The following ASIC2 variants were observed in gnomAD, a reference collection of about 807,000 sequenced individuals.
ASIC2 encodes the protein acid sensing ion channel subunit 2, also known as acid-sensing ion channel 2.
In ASIC2, 25 loss-of-function variants were observed where a neutral mutation model predicts 57.3. The ratio of observed to expected loss-of-function variants is 0.44; its 90% CI spans 0.32 to 0.61. The LOEUF is 0.61. Ranked by LOEUF, ASIC2 falls within the 20% of genes least tolerant of loss-of-function variation. The pLI is 0.06. For missense variants in ASIC2, 641 were observed against 738.1 expected (o/e 0.87, Z 1.52); for synonymous variants, 319 against 307.5 (o/e 1.04, Z -0.39).
chr17:33,997,188 C>T (rs1052153877), intron 1 of ASIC2, among the ~76,000 whole-genome samples: 1 of 151,840 alleles, frequency 6.6e-6, no homozygotes, highest in African/African-American at 2.4e-5. Context: ...GTCACCTAGG[C>T]TGGAGTGAAG....
At chr17:33,913,225 C>T (rs1379031532) in intron 1 of ASIC2, among the ~76,000 whole-genome samples, 2 of 151,974 alleles carry the variant, frequency 1.3e-5, no homozygotes, top group African/African-American at 2.4e-5. Flanking sequence ...GAGCTTAGCA[C>T]AGCACTTGAT....
chr17:33,677,747 A>T (rs2142055470), intron 1 of ASIC2, among the ~76,000 whole-genome samples: 1 of 152,328 alleles, frequency 6.6e-6, no homozygotes, highest in Admixed American at 6.5e-5. Context: ...AAAAACTGGA[A>T]CAGATGAAGT....
At chr17:33,070,731 A>T (rs1452818557) in intron 3 of ASIC2, among the ~76,000 whole-genome samples, 1 of 152,032 alleles carries the variant, frequency 6.6e-6, no homozygotes, top group Non-Finnish European at 1.5e-5. Context: ...TCTGATGTCA[A>T]TTTCCTTTTC....
intron 1 of ASIC2, among the ~76,000 whole-genome samples, chr17:33,321,755 T>C (rs950084921): frequency 6.6e-6 from 1 of 152,222 alleles, no homozygotes; most frequent in African/African-American, 2.4e-5. Flanking sequence ...GGATCAAAGA[T>C]ACATACTAAA....
chr17:33,802,318 C>A (rs952706310), intron 1 of ASIC2, among the ~76,000 whole-genome samples: 2 of 152,198 alleles, frequency 1.3e-5, no homozygotes, highest in Non-Finnish European at 2.9e-5. Context: ...GTGAGCTGTA[C>A]CACCTAAGTT....
chr17:33,219,580 T>C (rs1212041795), intron 1 of ASIC2, among the ~76,000 whole-genome samples: 1 of 152,130 alleles, frequency 6.6e-6, no homozygotes, highest in Non-Finnish European at 1.5e-5. Flanking sequence ...TGAACCTGAG[T>C]TCTTCTGCCT....
chr17:33,033,654 AT>A (rs1245084532), intron 3 of ASIC2, among the ~76,000 whole-genome samples: 39 of 152,314 alleles, frequency 2.6e-4, no homozygotes, highest in African/African-American at 9.4e-4. Context: ...GGTTGGGGCC[AT>A]GAATGACAGC....
intron 1 of ASIC2, among the ~76,000 whole-genome samples, chr17:33,290,521 T>C (rs138659081): frequency 1.2e-3 from 178 of 152,348 alleles, no homozygotes; most frequent in Middle Eastern, 6.8e-3. Context: ...AACAGCTGCG[T>C]TATCCAGACC....
chr17:33,460,135 C>T (rs534452650), intron 1 of ASIC2, among the ~76,000 whole-genome samples: 1 of 152,180 alleles, frequency 6.6e-6, no homozygotes, highest in Non-Finnish European at 1.5e-5. Flanking sequence ...ATCCTGACCT[C>T]GGTGTCCAGA....
intron 1 of ASIC2, among the ~76,000 whole-genome samples, chr17:33,177,486 A>T (rs1567774173): frequency 6.6e-6 from 1 of 152,192 alleles, no homozygotes; most frequent in South Asian, 2.1e-4. Context: ...CACAAGTCAC[A>T]ATTGGTGGAC....
intron 1 of ASIC2, among the ~76,000 whole-genome samples, chr17:33,733,577 G>A (rs951583262): frequency 6.6e-6 from 1 of 152,146 alleles, no homozygotes. Context: ...ATATTCTAAA[G>A]TCCCCAGAAC....
At position 33,856,839 on chromosome 17, in the gene ASIC2, G is replaced by C. The variant is rs905445676; in HGVS notation, c.555+299139C>G. Among the ~76,000 whole-genome samples, 20 of 152,146 alleles carry C rather than the reference G, an allele frequency of 1.3e-4. 1 individual carries two copies. Among genetic ancestry groups the C allele is most frequent in the Non-Finnish European group, 5.9e-5 (4 of 68,022 alleles). Reference sequence around the variant, plus strand: ...AGTCATGATGCTTACAGATGGGGGTGTATGGGACAGGGGTAGCTAGAAGGT... The same window carrying C: ...AGTCATGATGCTTACAGATGGGGGTCTATGGGACAGGGGTAGCTAGAAGGT... On this transcript the variant is annotated intron_variant, in intron 1 of 9. Transcript: ENST00000359872.
chr17:33,833,826 G>A (rs1444942125), intron 1 of ASIC2: 1 of 152,234 alleles, frequency 6.6e-6, no homozygotes, highest in Admixed American at 6.5e-5. Flanking sequence ...TGGCCAAAGT[G>A]GGAGGATCGC....
chr17:33,036,299 G>C (rs571246517), intron 3 of ASIC2, among the ~76,000 whole-genome samples: 1 of 152,162 alleles, frequency 6.6e-6, no homozygotes, highest in Non-Finnish European at 1.5e-5. Flanking sequence ...TCTTGTGAGG[G>C]GCAGAGTCAG....
Position 33,941,732 on chromosome 17 carries a change from G to T in ASIC2, c.555+214246C>A, listed in dbSNP as rs529689607. Among the ~76,000 whole-genome samples, 31 of 152,300 alleles carry T rather than the reference G, an allele frequency of 2.0e-4. No homozygotes were observed. In the South Asian group the frequency reaches 3.1e-3, roughly 15 times the overall value. The stretch of plus-strand genomic sequence containing the variant: ...AATGAAAGAATAAAGGAATGAAAAG[G>T]AGGTCAAAGGGAGTTTGGGAGGGGA... On this transcript the variant is annotated intron_variant, in intron 1 of 9. Coordinates refer to the ASIC2 transcript ENST00000359872.
intron 1 of ASIC2, among the ~76,000 whole-genome samples, chr17:33,230,532 C>T (rs887012492): frequency 3.3e-5 from 5 of 152,150 alleles, no homozygotes; most frequent in African/African-American, 4.8e-5. Flanking sequence ...CTGAGGGGGC[C>T]GGACTTCCAG....
chr17:33,037,909 AT>A, intron 3 of ASIC2, among the ~76,000 whole-genome samples: 1 of 152,322 alleles, frequency 6.6e-6, no homozygotes, highest in East Asian at 1.9e-4. Flanking sequence ...CTATACAACT[AT>A]TTGGCTGGGA....
intron 1 of ASIC2, among the ~76,000 whole-genome samples, chr17:33,446,116 C>T (rs764760408): frequency 1.3e-5 from 2 of 151,816 alleles, no homozygotes; most frequent in Non-Finnish European, 2.9e-5. Context: ...ATGGATGGGA[C>T]GAGGGAACTC....
chr17:33,493,169 T>C (rs1459565785), intron 1 of ASIC2, among the ~76,000 whole-genome samples: 1 of 152,170 alleles, frequency 6.6e-6, no homozygotes, highest in Admixed American at 6.5e-5. Flanking sequence ...GAGTTATGGT[T>C]TCTTCAGGCT....
Sources: gnomAD v4.1 joint callset for allele counts (sites outside exome capture counted in the v4.1 genomes callset) on GRCh38, gnomAD v4.1.1 for gene constraint, MANE v1.5 for transcripts, NCBI Gene and HGNC (gene_info 2026-07-23, HGNC 2026-07-21) for gene names.